GPC5: variants seen among roughly 807,000 people sequenced by gnomAD.
GPC5 encodes the protein glypican 5, also known as glypican-5.
In GPC5, 47 loss-of-function variants were observed where a neutral mutation model predicts 53.9. The observed-to-expected ratio is 0.87, with a 90% confidence interval of 0.69 to 1.11. The LOEUF is 1.11. Ranked by LOEUF, GPC5 falls within the 50% of genes most tolerant of loss-of-function variation. The pLI, the probability that GPC5 is intolerant of heterozygous loss-of-function variation, is 0.00. For synonymous variants in GPC5, 286 were observed against 263.3 expected (o/e 1.09, Z -0.84); for missense variants, 748 against 713.1 (o/e 1.05, Z -0.56).
intron 6 of GPC5, among the ~76,000 whole-genome samples, chr13:92,080,499 C>T (rs2138879586): frequency 6.6e-6 from 1 of 152,330 alleles, no homozygotes; most frequent in South Asian, 2.1e-4. Flanking sequence ...TGAATCACTC[C>T]ACAATCCAAC....
chr13:91,762,461 G>T (rs342708), intron 5 of GPC5, among the ~76,000 whole-genome samples: 1 of 151,696 alleles, frequency 6.6e-6, no homozygotes, highest in Non-Finnish European at 1.5e-5. Context: ...TTTTAAAAAC[G>T]ATCAGGTCTC....
chr13:92,527,097 AAAAGAAAG>A (rs1409925332), intron 7 of GPC5, among the ~76,000 whole-genome samples: 2 of 75,972 alleles, frequency 2.6e-5, no homozygotes, highest in East Asian at 9.7e-4. Context: ...ATTCTGTAGG[AAAAGAAAG>A]AAAAAAGAAA....
chr13:91,498,088 A>AT (rs34102629), intron 2 of GPC5, among the ~76,000 whole-genome samples: 88,621 of 149,028 alleles, frequency 0.59, 26,735 homozygotes, highest in East Asian at 0.84. Context: ...TTAATCTTAG[A>AT]TTTTTTTTTT....
At chr13:92,609,043 A>G (rs1218003916) in intron 7 of GPC5, among the ~76,000 whole-genome samples, 2 of 151,554 alleles carry the variant, frequency 1.3e-5, no homozygotes, top group African/African-American at 2.4e-5. Context: ...GTTTTCCCCA[A>G]TTCTTCCCCC....
chr13:91,938,516 C>T (rs1022529066), intron 6 of GPC5, among the ~76,000 whole-genome samples: 49 of 152,088 alleles, frequency 3.2e-4, no homozygotes, highest in African/African-American at 1.2e-3. Context: ...CAAACCATAT[C>T]ACTAAGATTG....
chr13:92,543,428 T>A (rs1024824170), intron 7 of GPC5, among the ~76,000 whole-genome samples: 2 of 51,142 alleles, frequency 3.9e-5, no homozygotes, highest in African/African-American at 2.5e-4. Context: ...ATTTTGATGT[T>A]TTTTTTCTGG....
At chr13:92,050,409 A>G (rs1290500695) in intron 6 of GPC5, among the ~76,000 whole-genome samples, 1 of 152,116 alleles carries the variant, frequency 6.6e-6, no homozygotes, top group Non-Finnish European at 1.5e-5. Flanking sequence ...GAGTGGTTAT[A>G]TGGGGATTAT....
At chr13:91,866,299 A>G (rs748469559) in intron 5 of GPC5, among the ~76,000 whole-genome samples, 4 of 152,232 alleles carry the variant, frequency 2.6e-5, no homozygotes, top group Non-Finnish European at 5.9e-5. Context: ...GAATACAGAA[A>G]TTTAAACAGT....
intron 7 of GPC5, among the ~76,000 whole-genome samples, chr13:92,388,795 A>C (rs1874861193): frequency 6.6e-6 from 1 of 152,134 alleles, no homozygotes; most frequent in Non-Finnish European, 1.5e-5. Flanking sequence ...CTAGGATGGA[A>C]CTAAACTGTA....
At chr13:92,671,685 C>T (rs1250171077) in intron 7 of GPC5, among the ~76,000 whole-genome samples, 1 of 152,058 alleles carries the variant, frequency 6.6e-6, no homozygotes, top group East Asian at 1.9e-4. Context: ...TCACAGTGGG[C>T]TAATTTGTGT....
At chr13:91,617,142 A>G (rs2033718468) in intron 2 of GPC5, among the ~76,000 whole-genome samples, 1 of 152,160 alleles carries the variant, frequency 6.6e-6, no homozygotes, top group African/African-American at 2.4e-5. Context: ...GGGTGTAGCA[A>G]TCAATTAAAT....
intron 7 of GPC5, among the ~76,000 whole-genome samples, chr13:92,546,311 A>C (rs1207664967): frequency 6.6e-6 from 1 of 152,202 alleles, no homozygotes; most frequent in Non-Finnish European, 1.5e-5. Flanking sequence ...AGGCAACTTC[A>C]GCAAAGTCTC....
chr13:91,469,405 G>A (rs1405241769), intron 2 of GPC5, among the ~76,000 whole-genome samples: 1 of 151,832 alleles, frequency 6.6e-6, no homozygotes, highest in African/African-American at 2.4e-5. Flanking sequence ...CGCTGCACCT[G>A]GCCTAATTTT....
intron 7 of GPC5, among the ~76,000 whole-genome samples, chr13:92,329,787 A>G (rs1434842695): frequency 6.6e-6 from 1 of 152,136 alleles, no homozygotes; most frequent in African/African-American, 2.4e-5. Context: ...ACTGGCCAAG[A>G]AAACATCACA....
chr13:92,545,188 T>G (rs1256302330), intron 7 of GPC5, among the ~76,000 whole-genome samples: 1 of 152,060 alleles, frequency 6.6e-6, no homozygotes, highest in East Asian at 1.9e-4. Flanking sequence ...TTTGTCCTCG[T>G]GATAGTTTGC....
At chr13:91,577,364 A>G (rs748117331) in intron 2 of GPC5, among the ~76,000 whole-genome samples, 15 of 152,298 alleles carry the variant, frequency 9.8e-5, no homozygotes, top group Admixed American at 2.0e-4. Context: ...AGCTATTTGA[A>G]TTATACATTG....
chr13:92,153,527 T>C (rs1014230418), intron 7 of GPC5, among the ~76,000 whole-genome samples: 3 of 152,244 alleles, frequency 2.0e-5, no homozygotes, highest in Admixed American at 2.0e-4. Context: ...TTGGAGTTGA[T>C]GTCAATCAGT....
intron 6 of GPC5, among the ~76,000 whole-genome samples, chr13:92,129,767 T>C (rs959982870): frequency 2.6e-5 from 4 of 152,128 alleles, no homozygotes; most frequent in African/African-American, 9.7e-5. Context: ...ATAATGTAAA[T>C]TGATCTGTAG....
At chr13:92,750,339 T>C (rs1053076602) in intron 7 of GPC5, among the ~76,000 whole-genome samples, 1 of 152,186 alleles carries the variant, frequency 6.6e-6, no homozygotes, top group African/African-American at 2.4e-5. Context: ...TGATATTTTA[T>C]GTAAATTTCA....
Sources: gnomAD v4.1 joint callset for allele counts (sites outside exome capture counted in the v4.1 genomes callset) on GRCh38, gnomAD v4.1.1 for gene constraint, MANE v1.5 for transcripts, NCBI Gene and HGNC (gene_info 2026-07-23, HGNC 2026-07-21) for gene names.